ROBO2: variants seen among roughly 807,000 people sequenced by gnomAD.
ROBO2 encodes the protein roundabout guidance receptor 2, also known as roundabout homolog 2.
A neutral mutation model predicts 160.8 loss-of-function variants in ROBO2; 53 were observed. That is an observed-to-expected ratio of 0.33 (90% CI 0.26 to 0.41). The LOEUF is 0.41. Ranked by LOEUF, ROBO2 falls within the 10% of genes least tolerant of loss-of-function variation. The pLI, the probability that ROBO2 is intolerant of heterozygous loss-of-function variation, is 1.00. For synonymous variants in ROBO2, 664 were observed against 611.7 expected (o/e 1.09, Z -1.26); for missense variants, 1,577 against 1,722.4 (o/e 0.92, Z 1.49).
chr3:77,238,396 A>G (rs1475011113), intron 2 of ROBO2, among the ~76,000 whole-genome samples: 1 of 152,126 alleles, frequency 6.6e-6, no homozygotes, highest in African/African-American at 2.4e-5. Context: ...ATTTTGAGGT[A>G]ACTTTTCTGA....
At chr3:76,259,204 G>A (rs1706587174) in intron 2 of ROBO2, among the ~76,000 whole-genome samples, 1 of 152,022 alleles carries the variant, frequency 6.6e-6, no homozygotes, top group Non-Finnish European at 1.5e-5. Flanking sequence ...GGAAAAATAG[G>A]AGAGAAAGTA....
chr3:77,509,966 G>T (rs2089163308), intron 5 of ROBO2, among the ~76,000 whole-genome samples: 2 of 151,982 alleles, frequency 1.3e-5, no homozygotes, highest in Admixed American at 6.6e-5. Flanking sequence ...AGAGGTGGGA[G>T]GTATGGGGAG....
At chr3:77,299,701 G>A (rs968325394) in intron 2 of ROBO2, among the ~76,000 whole-genome samples, 2 of 152,118 alleles carry the variant, frequency 1.3e-5, no homozygotes, top group Non-Finnish European at 2.9e-5. Context: ...CATGAGATTT[G>A]GGTGGGGGAC....
intron 2 of ROBO2, among the ~76,000 whole-genome samples, chr3:75,987,845 A>G (rs1223317299): frequency 6.6e-6 from 1 of 151,818 alleles, no homozygotes; most frequent in Non-Finnish European, 1.5e-5. Context: ...ACATTGATCA[A>G]TTTTCGTGTG....
intron 2 of ROBO2, among the ~76,000 whole-genome samples, chr3:76,347,884 A>G (rs1353451125): frequency 1.3e-5 from 2 of 152,156 alleles, no homozygotes; most frequent in African/African-American, 4.8e-5. Context: ...TTAAAATAGT[A>G]TTTATTATAT....
chr3:76,818,580 T>C (rs749195417), intron 2 of ROBO2, among the ~76,000 whole-genome samples: 12 of 152,156 alleles, frequency 7.9e-5, no homozygotes, highest in Admixed American at 2.6e-4. Flanking sequence ...TAAGCCAGTA[T>C]TTAAAAGGGT....
chr3:76,358,314 A>G (rs910420006), intron 2 of ROBO2, among the ~76,000 whole-genome samples: 1 of 151,902 alleles, frequency 6.6e-6, no homozygotes, highest in African/African-American at 2.4e-5. Context: ...ATTCTCCCAC[A>G]TATTAAAGTG....
At chr3:76,953,997 A>C (rs1458890443) in intron 2 of ROBO2, among the ~76,000 whole-genome samples, 1 of 152,216 alleles carries the variant, frequency 6.6e-6, no homozygotes, top group African/African-American at 2.4e-5. Context: ...TCATTCTCAA[A>C]TATCTATGCA....
At chr3:77,595,030 A>C in intron 17 of ROBO2, 112 bp from the exon 19 acceptor site, 1 of 811,864 alleles carries the variant, frequency 1.2e-6, no homozygotes, top group South Asian at 1.5e-5. Context: ...TATTTTGTTA[A>C]AATTCCCAGA....
At chr3:76,776,545 T>C (rs564219094) in intron 2 of ROBO2, among the ~76,000 whole-genome samples, 24 of 150,946 alleles carry the variant, frequency 1.6e-4, no homozygotes, top group African/African-American at 5.8e-4. Flanking sequence ...TCACACCCTT[T>C]AAGGGCAGAT....
intron 2 of ROBO2, among the ~76,000 whole-genome samples, chr3:76,767,905 G>A (rs1325032871): frequency 6.6e-6 from 1 of 151,444 alleles, no homozygotes; most frequent in Non-Finnish European, 1.5e-5. Flanking sequence ...TTTGATGAAT[G>A]TGGGATCTAC....
chr3:76,919,334 A>G (rs1415268537), intron 2 of ROBO2, among the ~76,000 whole-genome samples: 1 of 152,228 alleles, frequency 6.6e-6, no homozygotes, highest in Non-Finnish European at 1.5e-5. Context: ...AAGAATATTT[A>G]TAGGCCATGG....
chr3:77,216,244 G>T (rs576350849), intron 2 of ROBO2, among the ~76,000 whole-genome samples: 1 of 152,000 alleles, frequency 6.6e-6, no homozygotes, highest in Non-Finnish European at 1.5e-5. Flanking sequence ...CTTCCTGGCC[G>T]CTTTGTTTAC....
chr3:77,206,200 G>C (rs921611939), intron 2 of ROBO2, among the ~76,000 whole-genome samples: 1 of 150,950 alleles, frequency 6.6e-6, no homozygotes, highest in Admixed American at 6.6e-5. Flanking sequence ...ACAGAATTTT[G>C]CTCTTGTTGC....
chr3:77,158,197 C>T (rs540788661), intron 2 of ROBO2, among the ~76,000 whole-genome samples: 1 of 152,120 alleles, frequency 6.6e-6, no homozygotes, highest in Non-Finnish European at 1.5e-5. Context: ...AGCCAGGACC[C>T]AGTAAACCCC....
At chr3:77,377,514 G>A (rs564525564) in intron 2 of ROBO2, among the ~76,000 whole-genome samples, 1 of 152,192 alleles carries the variant, frequency 6.6e-6, no homozygotes, top group Admixed American at 6.5e-5. Context: ...AACTAGATAA[G>A]CATTCTATTA....
At chr3:76,197,663 C>A (rs1702326162) in intron 2 of ROBO2, among the ~76,000 whole-genome samples, 1 of 152,116 alleles carries the variant, frequency 6.6e-6, no homozygotes, top group African/African-American at 2.4e-5. Flanking sequence ...TAACATAATG[C>A]TCCAAACATA....
chr3:77,205,472 C>T (rs1158349529), intron 2 of ROBO2, among the ~76,000 whole-genome samples: 1 of 151,958 alleles, frequency 6.6e-6, no homozygotes, highest in African/African-American at 2.4e-5. Context: ...TCCTTCTCTG[C>T]TCCTGGAGCC....
At chr3:76,928,317 A>G (rs1032325868) in intron 2 of ROBO2, among the ~76,000 whole-genome samples, 3 of 152,144 alleles carry the variant, frequency 2.0e-5, no homozygotes, top group Admixed American at 6.5e-5. Flanking sequence ...CTACCTACCC[A>G]TACCTTGATT....
Sources: gnomAD v4.1 joint callset for allele counts (sites outside exome capture counted in the v4.1 genomes callset) on GRCh38, gnomAD v4.1.1 for gene constraint, MANE v1.5 for transcripts, NCBI Gene and HGNC (gene_info 2026-07-23, HGNC 2026-07-21) for gene names.